Variants in IL27 observed in about 807,000 individuals in gnomAD.
IL27 encodes the protein interleukin 27.
IL27 carries 11 observed loss-of-function variants against 27.0 expected under a neutral mutation model. That is an observed-to-expected ratio of 0.41 (90% confidence interval 0.26 to 0.67). The LOEUF (loss-of-function observed/expected upper bound fraction) is 0.67. Among genes scored for constraint, IL27 ranks in the 30% least tolerant of loss-of-function variants. The pLI, the probability that IL27 is intolerant of heterozygous loss-of-function variation, is 0.34. For missense variants in IL27, 299 were observed against 310.4 expected (o/e 0.96, Z 0.28); for synonymous variants, 134 against 140.6 (o/e 0.95, Z 0.33).
At chr16:28,500,070 G>A in intron 4 of IL27, 150 bp from the exon 5 acceptor site, 1 of 1,110,518 alleles carries the variant, frequency 9.0e-7, no homozygotes, top group Non-Finnish European at 1.2e-6. Context: ...CTTCCATGAT[G>A]TCACCTGCTA....
In IL27 at chr16:28,506,583, C is replaced by T. The variant is rs117377375; in HGVS notation, c.31+198G>A. 6.8e-4 allele frequency among the ~76,000 whole-genome samples: 104 copies of T among 152,196 alleles called. No homozygotes were observed. The East Asian group carries it at 0.015, about 22-fold the overall frequency. ...GCCTCCTTCTCATCCTCTGCCCAGC[C>T]CTGGGTCAGACCACCACCCCACTGC... is the stretch of plus-strand genomic sequence containing the variant. On this transcript the variant is annotated intron_variant, in intron 1 of 4. Coordinates refer to ENST00000356897, the MANE Select transcript of IL27 (RefSeq NM_145659.3).
chr16:28,501,820 C>T (rs1241688309), intron 4 of IL27, among the ~76,000 whole-genome samples, 156 bp downstream of exon 4: 1 of 148,864 alleles, frequency 6.7e-6, no homozygotes, highest in African/African-American at 2.4e-5. Flanking sequence ...CGGACCCACA[C>T]AGTCACTCTC....
chr16:28,499,751 T>G lies in IL27; in HGVS notation c.632A>C (p.Glu211Ala), dbSNP rs1461649446. The G allele has an allele frequency of 6.8e-6, 11 of 1,612,688 alleles. No homozygotes were observed. The highest frequency in any genetic ancestry group is 9.3e-6 in the Non-Finnish European group (11 of 1,179,614). The change falls in exon 5 of 5, where the codon GAG becomes GCG. Residue 211 changes from glutamate to alanine, a missense_variant. Coordinates refer to ENST00000356897, the MANE Select transcript of IL27 (RefSeq NM_145659.3). ...CCGCACGGCCCGAGATAAGACGAGC[T>G]CCAAGGAGTGCAGCAGGCGGTAGGT... ...LSTYRLLHSL[E>A]LVLSRAVREL...
intron 1 of IL27, among the ~76,000 whole-genome samples, chr16:28,504,707 C>G (rs954560974): frequency 6.6e-6 from 1 of 152,054 alleles, no homozygotes; most frequent in Non-Finnish European, 1.5e-5. Context: ...GCCTCAGCCT[C>G]CCAAGTAGCT....
In IL27 at chr16:28,503,702, C is replaced by CG. The variant is rs766978810; in HGVS notation, c.295dup (p.Arg99ProfsTer4). ...CCACCAGCCCTCACTCACAGAGAGG[C>CG]GGCGCCAGGCCTGGAAGGTCAGGGA... On this transcript the variant is annotated frameshift_variant, in exon 3 of 5. Coordinates refer to ENST00000356897, the MANE Select transcript of IL27 (RefSeq NM_145659.3). LOFTEE classifies it high-confidence loss of function. The CG allele has an allele frequency of 6.2e-7, 1 of 1,607,846 alleles. No individual in the cohort carries two copies. Among genetic ancestry groups the CG allele is most frequent in the South Asian group, 1.1e-5 (1 of 90,192 alleles).
chr16:28,502,659 T>A (rs776583370), intron 3 of IL27, among the ~76,000 whole-genome samples: 1 of 151,850 alleles, frequency 6.6e-6, no homozygotes, highest in Non-Finnish European at 1.5e-5. Flanking sequence ...CATCACCTTC[T>A]CATCTCTAAC....
chr16:28,502,005 G>C lies in IL27; in HGVS notation c.433C>G (p.Arg145Gly). 1 of 1,610,212 alleles carries C rather than the reference G, an allele frequency of 6.2e-7. No individual in the cohort carries two copies. Residue 145 changes from arginine to glycine, a missense_variant, in exon 4 of 5, where the codon CGC becomes GGC. Physicochemically the swap from Arg to Gly is moderately radical, Grantham distance 125. Transcript: ENST00000356897. ...AAGCGGAGGTGCCGCTGCAGATCGC[G>C]GAGGTCCAGCCTCATGGCCCACAGC... ...MQLWAMRLDLRDLQRHLRFQV... is the reference protein window; with the variant it reads ...MQLWAMRLDLGDLQRHLRFQV...
chr16:28,504,234 T>G (rs545667974), intron 1 of IL27, among the ~76,000 whole-genome samples, 184 bp from the exon 2 acceptor site: 4 of 152,256 alleles, frequency 2.6e-5, no homozygotes, highest in South Asian at 4.2e-4. Flanking sequence ...TCCCAACAAT[T>G]TAGGAGACCG....
rs180766744 is a variant in IL27, at chr16:28,501,087, G to C, written c.462+889C>G. 2.0e-4 allele frequency among the ~76,000 whole-genome samples: 30 copies of C among 152,202 alleles called. No individual in the cohort carries two copies. The East Asian group carries it at 5.4e-3, about 27-fold the overall frequency. ...GCCTGTAGTCCTAGCTACTCAGGAG[G>C]CTGAGGCAGGAGAATTGCTTGAACC... On this transcript the variant is annotated intron_variant, in intron 4 of 4. Transcript: ENST00000356897.
Position 28,503,744 on chromosome 16 carries a change from T to C in IL27, c.254A>G (p.Glu85Gly), listed in dbSNP as rs1233963668. The change falls in exon 3 of 5, where the codon GAG becomes GGG. Residue 85 changes from glutamate to glycine, a missense_variant. Physicochemically the swap from Glu to Gly is moderately conservative, Grantham distance 98. Transcript: ENST00000356897. The part of the protein sequence containing the change: ...GVNLYLLPLG[E>G]QLPDVSLTFQ... The stretch of plus-strand genomic sequence containing the variant: ...GGTCAGGGAAACATCAGGGAGCTGC[T>C]CTCCCAGGGGCAGGAGGTACAGGTT... The C allele has an allele frequency of 2.0e-5, 33 of 1,613,516 alleles. No individual in the cohort carries two copies. Among genetic ancestry groups the C allele is most frequent in the Non-Finnish European group, 2.7e-5 (32 of 1,179,812 alleles).
rs1403819304 is a variant in IL27 at position 28,506,806 on chromosome 16, G to A, written c.6C>T (p.Gly2=). Residue 2 remains glycine (G), a synonymous_variant, in exon 1 of 5, where the codon GGC becomes GGT. Coordinates refer to ENST00000356897, the MANE Select transcript of IL27 (RefSeq NM_145659.3). ...GCCAGCCAAGGTCGCCTGCCGTCTG[G>A]CCCATGGCGGGGCCCAGCCTCTTTG... M[G]QTAGDLGWRL... is the part of the protein sequence containing the mutation. The A allele has an allele frequency of 1.2e-6, 2 of 1,612,038 alleles. No individual in the cohort carries two copies. Among genetic ancestry groups the A allele is most frequent in the Admixed American group, 1.7e-5 (1 of 59,762 alleles).
In IL27 at chr16:28,503,704, G is replaced by T; in HGVS notation, c.294C>A (p.Arg98=). The change falls in exon 3 of 5, where the codon CGC becomes CGA. Residue 98 remains arginine, a synonymous_variant. Coordinates refer to ENST00000356897, the MANE Select transcript of IL27 (RefSeq NM_145659.3). ...ACCAGCCCTCACTCACAGAGAGGCG[G>T]CGCCAGGCCTGGAAGGTCAGGGAAA... is the stretch of plus-strand genomic sequence containing the variant. ...PDVSLTFQAW[R]RLSDPERLCF... 6.2e-7 allele frequency: 1 copy of T among 1,610,008 alleles called. No individual in the cohort carries two copies. The highest frequency in any genetic ancestry group is 8.5e-7 in the Non-Finnish European group (1 of 1,177,666).
chr16:28,499,393 T>A lies in IL27; in HGVS notation c.*258A>T. The A allele has an allele frequency of 2.2e-6, 1 of 456,406 alleles. No homozygotes were observed. The highest frequency in any genetic ancestry group is 4.0e-6 in the Non-Finnish European group (1 of 252,886). The allele number at this position is 456,406 out of a possible 1,614,324, so 28.3% of individuals were successfully genotyped here. ...AGAGTGCTTTATTGGGCACCCAGCA[T>A]GGGGGCTTGGCCCGAGGAGGACCAT... On this transcript the variant is annotated 3_prime_UTR_variant, in exon 5 of 5. Coordinates refer to ENST00000356897, the MANE Select transcript of IL27 (RefSeq NM_145659.3).
chr16:28,501,433 C>G (rs1339010445), intron 4 of IL27, among the ~76,000 whole-genome samples: 1 of 150,746 alleles, frequency 6.6e-6, no homozygotes, highest in Admixed American at 6.6e-5. Context: ...CCCACACACA[C>G]TCACAGTCAC....
intron 1 of IL27, among the ~76,000 whole-genome samples, chr16:28,504,252 C>T (rs766010845): frequency 2.0e-4 from 30 of 152,116 alleles, no homozygotes; most frequent in Admixed American, 2.6e-4. Context: ...CCGAGGCGGG[C>T]GGATCACCTG....
rs144797498 is a variant in IL27, at chr16:28,502,055, C to A, written c.383G>T (p.Arg128Leu). 237 of 1,613,522 alleles carry A rather than the reference C, an allele frequency of 1.5e-4. 2 individuals are homozygous for A. In the East Asian group the frequency reaches 3.3e-3, roughly 22 times the overall value. The change falls in exon 4 of 5, where the codon CGC (arginine) becomes CTC (leucine). Residue 128 changes from arginine (R) to leucine (L), a missense_variant. Physicochemically the swap from Arg to Leu is moderately radical, Grantham distance 102. Coordinates refer to ENST00000356897, the MANE Select transcript of IL27 (RefSeq NM_145659.3). ...CTGCATCCTCTCCATGTTGGTCCAG[C>A]GGCCCTGGGTCCCCAGCCCTCCCAG... ...ALLGGLGTQGRWTNMERMQLW... is the reference protein window; with the variant it reads ...ALLGGLGTQGLWTNMERMQLW...
intron 1 of IL27, 36 bp downstream of exon 1, chr16:28,506,745 C>T (rs1409774762): frequency 6.2e-7 from 1 of 1,605,186 alleles, no homozygotes; most frequent in Non-Finnish European, 8.5e-7. Flanking sequence ...TCTGCCCAAA[C>T]TCAACCAAGC....
chr16:28,504,475 A>AAAAACAAAAC (rs200363028), intron 1 of IL27, among the ~76,000 whole-genome samples: 8,208 of 151,552 alleles, frequency 0.054, 242 homozygotes, highest in East Asian at 0.096. Context: ...TCTGTCTCAA[A>AAAAACAAAAC]AAAACAAAAC....
chr16:28,499,458 CAATA>C lies in IL27; in HGVS notation c.*189_*192del. ...ATAAATAAACCATCATCTCCCTAAA[CAATA>C]AATAAATATCCAAGAAATAAATAGC... On this transcript the variant is annotated 3_prime_UTR_variant, in exon 5 of 5. Transcript: ENST00000356897. 1.7e-6 allele frequency: 1 copy of C among 573,256 alleles called. No individual in the cohort carries two copies. The highest frequency in any genetic ancestry group is 3.1e-6 in the Non-Finnish European group (1 of 321,090). The allele number at this position is 573,256 out of a possible 1,614,324, so 35.5% of individuals were successfully genotyped here.
Sources: allele counts gnomAD v4.1 joint callset (sites outside exome capture counted in the v4.1 genomes callset), GRCh38; gene constraint gnomAD v4.1.1; transcripts MANE v1.5; gene names NCBI Gene and HGNC (gene_info 2026-07-23, HGNC 2026-07-21).